CENPP: variants seen among roughly 807,000 people sequenced by gnomAD.
The protein encoded by CENPP is centromere protein P.
CENPP carries 24 observed loss-of-function variants against 35.6 expected under a neutral mutation model. That is an observed-to-expected ratio of 0.67 (90% confidence interval 0.49 to 0.95). CENPP has a LOEUF of 0.95. Among genes scored for constraint, CENPP ranks in the 40% least tolerant of loss-of-function variants. CENPP has a pLI of 0.00. For synonymous variants in CENPP, 120 were observed against 125.5 expected, an observed-to-expected ratio of 0.96 and a Z score of 0.29; for missense variants, 332 against 345.3, an observed-to-expected ratio of 0.96 and a Z score of 0.31.
Position 92,332,203 on chromosome 9 carries a change from G to A in CENPP, c.141G>A (p.Leu47=). The A allele has an allele frequency of 1.9e-6, 3 of 1,605,518 alleles. No individual in the cohort carries two copies. The change falls in exon 2 of 8, where the codon TTG becomes TTA. Residue 47 remains leucine (L), a synonymous_variant. Transcript: ENST00000375587. Reference sequence around the variant, plus strand: ...TTCAAGCCATACACCAATTCAATTTGGAAGGATGGAAGTCTTCAAAAGATC... The same window carrying A: ...TTCAAGCCATACACCAATTCAATTTAGAAGGATGGAAGTCTTCAAAAGATC... ...KSFQAIHQFN[L]EGWKSSKDLK...
intron 5 of CENPP, chr9:92,495,998 G>T: frequency 1.0e-6 from 1 of 997,822 alleles, no homozygotes; most frequent in Non-Finnish European, 1.2e-6. Flanking sequence ...CAGTATTCAA[G>T]TTGATTATAA....
intron 5 of CENPP, among the ~76,000 whole-genome samples, chr9:92,561,620 T>A (rs1374391880): frequency 6.6e-6 from 1 of 152,228 alleles, no homozygotes; most frequent in Non-Finnish European, 1.5e-5. Flanking sequence ...CATTGAGTCA[T>A]TTTTTACCAT....
chr9:92,470,580 TG>T, intron 5 of CENPP: 1 of 653,042 alleles, frequency 1.5e-6, no homozygotes. Flanking sequence ...AAGTAAGACT[TG>T]TTTATACTAA....
At chr9:92,502,452 G>A in intron 5 of CENPP, 1 of 1,575,026 alleles carries the variant, frequency 6.3e-7, no homozygotes, top group Non-Finnish European at 8.7e-7. Context: ...TCCATACTCT[G>A]TTTAATAATA....
intron 5 of CENPP, among the ~76,000 whole-genome samples, chr9:92,461,970 C>CTTTCT (rs962657875): frequency 6.6e-5 from 10 of 151,732 alleles, no homozygotes; most frequent in Non-Finnish European, 1.3e-4. Flanking sequence ...AGTATTTATT[C>CTTTCT]TTTCTTTTCT....
intron 5 of CENPP, chr9:92,414,975 A>G: frequency 2.4e-6 from 1 of 416,072 alleles, no homozygotes; most frequent in Non-Finnish European, 4.2e-6. Context: ...CATTATTTTG[A>G]GTAAGTTCTA....
Position 92,615,487 on chromosome 9 carries a change from T to C in CENPP, c.*2338T>C, listed in dbSNP as rs1003325857. The C allele has an allele frequency of 8.8e-6, 2 of 227,534 alleles. No individual in the cohort carries two copies. The highest frequency in any genetic ancestry group is 1.7e-5 in the Non-Finnish European group (2 of 115,520). The allele number at this position is 227,534 out of a possible 1,614,324, so 14.1% of individuals were successfully genotyped here. ...ATGTTAGGAGTCTGGTGGTAGCAGA[T>C]CCAAACCTTGGGTCTTAGAATAAGG... On this transcript the variant is annotated 3_prime_UTR_variant, in exon 8 of 8. Coordinates refer to ENST00000375587, the MANE Select transcript of CENPP (RefSeq NM_001012267.3).
chr9:92,334,886 C>T (rs371162584), intron 2 of CENPP, among the ~76,000 whole-genome samples: 1 of 150,272 alleles, frequency 6.7e-6, no homozygotes, highest in Non-Finnish European at 1.5e-5. Context: ...TCAAAAAAAA[C>T]CAAAAAAACA....
chr9:92,576,835 A>G (rs78477017), intron 5 of CENPP, among the ~76,000 whole-genome samples: 1 of 152,310 alleles, frequency 6.6e-6, no homozygotes, highest in Non-Finnish European at 1.5e-5. Context: ...AATAAGTAGT[A>G]TGTATGGCAG....
At chr9:92,548,391 A>G (rs897089169) in intron 5 of CENPP, among the ~76,000 whole-genome samples, 1 of 152,230 alleles carries the variant, frequency 6.6e-6, no homozygotes, top group African/African-American at 2.4e-5. Context: ...GAACAAAAGG[A>G]TACCTGAAAT....
intron 5 of CENPP, among the ~76,000 whole-genome samples, chr9:92,540,421 G>T (rs1849290111): frequency 1.4e-5 from 2 of 143,198 alleles, no homozygotes; most frequent in African/African-American, 5.5e-5. Context: ...CTGGACGACA[G>T]AGCGAGACTG....
At chr9:92,512,268 T>G (rs1466274424) in intron 5 of CENPP, 2 of 474,098 alleles carry the variant, frequency 4.2e-6, no homozygotes, top group Non-Finnish European at 7.6e-6. Flanking sequence ...AGAATATATA[T>G]TATATAACCA....
At position 92,565,323 on chromosome 9, in the gene CENPP, A is replaced by AAAAAT. The variant is rs1849941758; in HGVS notation, c.565-45991_565-45990insAAAAT. On this transcript the variant is annotated intron_variant, in intron 5 of 7. Coordinates refer to ENST00000375587, the MANE Select transcript of CENPP (RefSeq NM_001012267.3). The stretch of plus-strand genomic sequence containing the variant: ...AAAAAAAAAAAAAAAAAAAAAAAAA[A>AAAAAT]TCATAATGTTTTAAGAACGTTTACG... 2.0e-5 allele frequency among the ~76,000 whole-genome samples: 3 copies of AAAAAT among 148,182 alleles called. No individual in the cohort carries two copies. In the Admixed American group the frequency reaches 2.0e-4, roughly 10 times the overall value.
At chr9:92,450,161 T>C (rs1168013354) in intron 5 of CENPP, among the ~76,000 whole-genome samples, 1 of 151,874 alleles carries the variant, frequency 6.6e-6, no homozygotes, top group Non-Finnish European at 1.5e-5. Context: ...AAGTTACATA[T>C]GTATACATGT....
chr9:92,607,905 T>G (rs1204985688), intron 5 of CENPP, among the ~76,000 whole-genome samples: 1 of 152,206 alleles, frequency 6.6e-6, no homozygotes, highest in East Asian at 1.9e-4. Flanking sequence ...CATCTTTCTA[T>G]CATAAACACC....
rs79413445 is a variant in CENPP, at chr9:92,353,805, C to T, written c.467+8018C>T. Among the ~76,000 whole-genome samples the T allele has an allele frequency of 4.8e-3, 729 of 152,220 alleles. 4 individuals carry two copies. Among genetic ancestry groups the T allele is most frequent in the African/African-American group, 0.015 (635 of 41,540 alleles). Reference sequence around the variant, plus strand: ...CACTAGGGGTGTTGGTGAGTGGTGCCACTTCAACTTCCACCCCTTGATTCC... The same window carrying T: ...CACTAGGGGTGTTGGTGAGTGGTGCTACTTCAACTTCCACCCCTTGATTCC... On this transcript the variant is annotated intron_variant, in intron 4 of 7. Coordinates refer to ENST00000375587, the MANE Select transcript of CENPP (RefSeq NM_001012267.3).
chr9:92,416,121 A>G (rs1843604921), intron 5 of CENPP, among the ~76,000 whole-genome samples: 1 of 143,524 alleles, frequency 7.0e-6, no homozygotes, highest in Admixed American at 7.1e-5. Flanking sequence ...TTTTTTTAAG[A>G]CAGAGTTTTG....
chr9:92,613,064 G>T lies in CENPP; in HGVS notation c.782G>T (p.Ser261Ile). 6.2e-7 allele frequency: 1 copy of T among 1,614,174 alleles called. No individual in the cohort carries two copies. Among genetic ancestry groups the T allele is most frequent in the African/African-American group, 1.3e-5 (1 of 75,048 alleles). ...KNRAIETAPL[S>I]FRTLVGLLGI... ...AGAGCCATAGAAACTGCTCCTCTCA[G>T]CTTCCGAACCCTGGTAGGACTGCTT... The change falls in exon 8 of 8, where the codon AGC becomes ATC. Residue 261 changes from serine (S) to isoleucine (I), a missense_variant. Coordinates refer to ENST00000375587, the MANE Select transcript of CENPP (RefSeq NM_001012267.3).
intron 5 of CENPP, chr9:92,600,582 G>A (rs949219298): frequency 1.2e-6 from 2 of 1,604,460 alleles, no homozygotes; most frequent in Admixed American, 3.4e-5. Flanking sequence ...CCCTTGCGAG[G>A]GTTCTGGGGC....
Sources: gnomAD v4.1 joint callset for allele counts (sites outside exome capture counted in the v4.1 genomes callset) on GRCh38, gnomAD v4.1.1 for gene constraint, MANE v1.5 for transcripts, NCBI Gene and HGNC (gene_info 2026-07-23, HGNC 2026-07-21) for gene names.